Variants in KCNIP4 observed in about 807,000 individuals in gnomAD.
The protein encoded by KCNIP4 is Kv channel-interacting protein 4.
Under a neutral mutation model 34.0 loss-of-function variants are expected in KCNIP4, and 12 were observed. The observed-to-expected ratio is 0.35, with a 90% confidence interval of 0.23 to 0.57. The LOEUF (loss-of-function observed/expected upper bound fraction) is 0.57. Ranked by LOEUF, KCNIP4 falls within the 20% of genes least tolerant of loss-of-function variation. The pLI is 0.83. For missense variants in KCNIP4, 238 were observed against 311.7 expected (o/e 0.76, Z 1.78); for synonymous variants, 124 against 102.2 (o/e 1.21, Z -1.29).
intron 1 of KCNIP4, among the ~76,000 whole-genome samples, chr4:21,046,544 A>G (rs1301709276): frequency 6.8e-6 from 1 of 147,708 alleles, no homozygotes; most frequent in Non-Finnish European, 1.5e-5. Context: ...TAAAAAAAAT[A>G]AAGAGAAACT....
At chr4:21,277,387 G>T (rs1762506035) in intron 1 of KCNIP4, among the ~76,000 whole-genome samples, 1 of 152,128 alleles carries the variant, frequency 6.6e-6, no homozygotes, top group Non-Finnish European at 1.5e-5. Context: ...CAGATTCAGT[G>T]CAGGAAACAA....
rs143151573 is a variant in KCNIP4, at chr4:21,650,289, A to G, written c.61+298282T>C. 2.1e-3 allele frequency among the ~76,000 whole-genome samples: 318 copies of G among 152,312 alleles called. 1 individual carries two copies. The highest frequency in any genetic ancestry group is 5.8e-3 in the African/African-American group (241 of 41,574). ...TTGGACTTTGTCCTTGTTCCAGTGA[A>G]CTGTGACTTCAAATCAGTATATCAT... On this transcript the variant is annotated intron_variant, in intron 1 of 8. Coordinates refer to ENST00000382152, the MANE Select transcript of KCNIP4 (RefSeq NM_025221.6).
chr4:20,834,874 G>A (rs1560500861), intron 3 of KCNIP4, among the ~76,000 whole-genome samples: 1 of 152,138 alleles, frequency 6.6e-6, no homozygotes, highest in Non-Finnish European at 1.5e-5. Flanking sequence ...AATGAGGAGT[G>A]TTTGTCAGAT....
rs145843117 is a variant in KCNIP4, at chr4:21,419,146, T to A, written c.61+529425A>T. Reference sequence around the variant, plus strand: ...GTTGCCATTCTGCCATATTATATTTTCCTGTTTTCCATGCTTCATTGAGAT... The same window carrying A: ...GTTGCCATTCTGCCATATTATATTTACCTGTTTTCCATGCTTCATTGAGAT... On this transcript the variant is annotated intron_variant, in intron 1 of 8. Coordinates refer to ENST00000382152, the MANE Select transcript of KCNIP4 (RefSeq NM_025221.6). 2.4e-3 allele frequency among the ~76,000 whole-genome samples: 358 copies of A among 152,304 alleles called. 7 individuals are homozygous for A. Among genetic ancestry groups the A allele is most frequent in the East Asian group, 0.02 (101 of 5,176 alleles).
At chr4:21,856,415 T>C (rs1724757119) in intron 1 of KCNIP4, among the ~76,000 whole-genome samples, 1 of 152,208 alleles carries the variant, frequency 6.6e-6, no homozygotes, top group African/African-American at 2.4e-5. Context: ...TGGCAGCCCA[T>C]CTGGAGTGGC....
chr4:21,151,124 TG>T (rs1407810596), intron 1 of KCNIP4, among the ~76,000 whole-genome samples: 2 of 152,180 alleles, frequency 1.3e-5, no homozygotes, highest in African/African-American at 4.8e-5. Context: ...GAAATACCTG[TG>T]TTAGAAGACT....
At chr4:21,319,733 G>A (rs1267087685) in intron 1 of KCNIP4, among the ~76,000 whole-genome samples, 1 of 152,082 alleles carries the variant, frequency 6.6e-6, no homozygotes, top group Non-Finnish European at 1.5e-5. Context: ...GATCCAAACA[G>A]ACATCAGTCA....
At chr4:21,377,533 C>T (rs190468781) in intron 1 of KCNIP4, among the ~76,000 whole-genome samples, 14 of 152,224 alleles carry the variant, frequency 9.2e-5, no homozygotes, top group Admixed American at 3.3e-4. Flanking sequence ...AAGGGAAATA[C>T]GTGTATCAAT....
chr4:21,432,599 A>G (rs1726591046), intron 1 of KCNIP4, among the ~76,000 whole-genome samples: 1 of 152,170 alleles, frequency 6.6e-6, no homozygotes, highest in Non-Finnish European at 1.5e-5. Flanking sequence ...CCAGTACCAA[A>G]GGCGAAGCAA....
chr4:21,658,418 C>T (rs556390936), intron 1 of KCNIP4, among the ~76,000 whole-genome samples: 1 of 152,076 alleles, frequency 6.6e-6, no homozygotes, highest in African/African-American at 2.4e-5. Context: ...AGGGCACATC[C>T]CTTTTTTATT....
intron 1 of KCNIP4, among the ~76,000 whole-genome samples, chr4:21,594,738 G>A (rs367849431): frequency 7.5e-4 from 103 of 137,488 alleles, no homozygotes; most frequent in Non-Finnish European, 1.1e-3. Context: ...TGATGGAAGC[G>A]TCTACATGAA....
chr4:21,045,026 C>T (rs182083854), intron 1 of KCNIP4, among the ~76,000 whole-genome samples: 1 of 152,292 alleles, frequency 6.6e-6, no homozygotes, highest in Non-Finnish European at 1.5e-5. Flanking sequence ...GTAAGACATC[C>T]TCATGATTCA....
At chr4:21,458,202 T>C (rs1294787881) in intron 1 of KCNIP4, among the ~76,000 whole-genome samples, 1 of 139,146 alleles carries the variant, frequency 7.2e-6, no homozygotes, top group Admixed American at 8.1e-5. Context: ...GTCCATGTGA[T>C]CTCATTGTTC....
At chr4:21,549,738 G>A (rs779083462) in intron 1 of KCNIP4, among the ~76,000 whole-genome samples, 2 of 152,040 alleles carry the variant, frequency 1.3e-5, no homozygotes, top group Non-Finnish European at 2.9e-5. Context: ...TGTTCAGACA[G>A]TAAAGGGAGC....
chr4:21,891,316 C>T (rs1727079228), intron 1 of KCNIP4, among the ~76,000 whole-genome samples: 1 of 152,084 alleles, frequency 6.6e-6, no homozygotes, highest in African/African-American at 2.4e-5. Flanking sequence ...CCCCTTGCTC[C>T]TTGGATCAAC....
intron 1 of KCNIP4, among the ~76,000 whole-genome samples, chr4:21,067,524 T>C (rs573353946): frequency 6.6e-6 from 1 of 152,274 alleles, no homozygotes; most frequent in South Asian, 2.1e-4. Flanking sequence ...GAGGAACTCA[T>C]CATACTTAGG....
intron 1 of KCNIP4, among the ~76,000 whole-genome samples, chr4:21,366,565 C>T (rs995316442): frequency 5.3e-5 from 8 of 152,132 alleles, no homozygotes; most frequent in Non-Finnish European, 4.4e-5. Flanking sequence ...CTTGGGCTAG[C>T]TAGCTCAAGA....
chr4:21,103,327 T>A (rs1432847477), intron 1 of KCNIP4, among the ~76,000 whole-genome samples: 4 of 146,432 alleles, frequency 2.7e-5, no homozygotes, highest in Non-Finnish European at 4.5e-5. Flanking sequence ...TAATATAAAA[T>A]ATATATAATA....
At chr4:21,629,849 C>CTTTTTTTTTTTTTTTTTTTTTTTTT (rs5856652) in intron 1 of KCNIP4, among the ~76,000 whole-genome samples, 2 of 87,802 alleles carry the variant, frequency 2.3e-5, no homozygotes, top group African/African-American at 4.8e-5. Context: ...CTTTTTCTTT[C>CTTTTTTTTTTTTTTTTTTTTTTTTT]TTTTTTTTTT....
Sources: gnomAD v4.1 joint callset for allele counts (sites outside exome capture counted in the v4.1 genomes callset) on GRCh38, gnomAD v4.1.1 for gene constraint, MANE v1.5 for transcripts, NCBI Gene and HGNC (gene_info 2026-07-23, HGNC 2026-07-21) for gene names.